The following DLEU7 variants were observed in gnomAD, a reference collection of about 807,000 sequenced individuals.
DLEU7 encodes deleted in lymphocytic leukemia 7.
A neutral mutation model predicts 16.0 loss-of-function variants in DLEU7; 17 were observed. The observed-to-expected ratio is 1.06, with a 90% CI of 0.73 to 1.59. DLEU7 has a LOEUF of 1.59. Ranked by LOEUF, DLEU7 falls within the 40% of genes most tolerant of loss-of-function variation. The pLI is 0.00. For missense variants in DLEU7, 308 were observed against 314.9 expected (o/e 0.98, Z 0.17); for synonymous variants, 113 against 139.8 (o/e 0.81, Z 1.35).
chr13:50,753,179 C>T (rs1223375168), intron 1 of DLEU7, among the ~76,000 whole-genome samples: 1 of 152,202 alleles, frequency 6.6e-6, no homozygotes, highest in African/African-American at 2.4e-5. Flanking sequence ...GGTGTATTTA[C>T]AATCCCTTAG....
intron 1 of DLEU7, among the ~76,000 whole-genome samples, chr13:50,762,792 T>C (rs1216941467): frequency 7.6e-6 from 1 of 132,330 alleles, no homozygotes; most frequent in African/African-American, 3.2e-5. Flanking sequence ...CTGCCCTTTA[T>C]TGTGCTAGAA....
At chr13:50,747,374 C>CAGAG (rs4053229) in intron 1 of DLEU7, among the ~76,000 whole-genome samples, 83,722 of 141,204 alleles carry the variant, frequency 0.59, 25,927 homozygotes, top group African/African-American at 0.84. Flanking sequence ...GTGTGTGTGA[C>CAGAG]AGAGAGGGAG....
chr13:50,832,020 T>C (rs959674292), intron 1 of DLEU7, among the ~76,000 whole-genome samples: 4 of 152,086 alleles, frequency 2.6e-5, no homozygotes, highest in African/African-American at 9.7e-5. Flanking sequence ...AGGAGGAGTC[T>C]CTCTTTTTCT....
downstream of DLEU7, among the ~76,000 whole-genome samples, chr13:50,818,031 A>G (rs867948275): frequency 3.9e-5 from 6 of 152,150 alleles, no homozygotes; most frequent in African/African-American, 1.4e-4. Flanking sequence ...ATTCATTACT[A>G]TAGATCATCT....
intron 1 of DLEU7, among the ~76,000 whole-genome samples, chr13:50,834,743 G>GT (rs1349898836): frequency 1.3e-5 from 2 of 152,234 alleles, no homozygotes; most frequent in East Asian, 3.9e-4. Flanking sequence ...ACATGCACAT[G>GT]TATGTTTATT....
rs1021410898 is a variant in DLEU7 at position 50,780,516 on chromosome 13, C to T, written c.459+62672G>A. On this transcript the variant is annotated intron_variant, in intron 1 of 1. Coordinates refer to the DLEU7 transcript ENST00000400393. ...TGGGAATCAGATTACAGCTAAGGAG[C>T]CCTCATAAAACCAGCTTTAACAATT... Among the ~76,000 whole-genome samples the T allele has an allele frequency of 6.6e-5, 10 of 152,230 alleles. No individual in the cohort carries two copies. The East Asian group carries it at 1.9e-3, about 29-fold the overall frequency.
intron 1 of DLEU7, among the ~76,000 whole-genome samples, chr13:50,811,428 G>A (rs144884033): frequency 6.6e-6 from 1 of 152,156 alleles, no homozygotes; most frequent in African/African-American, 2.4e-5. Context: ...CCTCTATATA[G>A]CACTCCTATC....
At chr13:50,763,440 A>G (rs779077879) in intron 1 of DLEU7, among the ~76,000 whole-genome samples, 2 of 152,194 alleles carry the variant, frequency 1.3e-5, no homozygotes, top group Non-Finnish European at 2.9e-5. Context: ...ATCAGAAATC[A>G]AGCCTGTGCA....
In DLEU7 at chr13:50,726,565, G is replaced by A. The variant is rs1873768546; in HGVS notation, c.460-13325C>T. ...GTTTTTGCCAAAATTCACAATGTTTGAAAAAAATAGGTTGAGACACTTTCT... is the reference window on the plus strand; with the variant it reads ...GTTTTTGCCAAAATTCACAATGTTTAAAAAAAATAGGTTGAGACACTTTCT... On this transcript the variant is annotated intron_variant, in intron 1 of 1. Transcript: ENST00000400393. This position sits in a 1 kb window ranked among gnomAD's most constrained non-coding sequence, Gnocchi z 4.0. Among the ~76,000 whole-genome samples the A allele has an allele frequency of 6.6e-6, 1 of 152,084 alleles. No individual in the cohort carries two copies. The highest frequency in any genetic ancestry group is 1.5e-5 in the Non-Finnish European group (1 of 67,994).
chr13:50,774,955 A>T (rs182094217), intron 1 of DLEU7, among the ~76,000 whole-genome samples: 1 of 152,034 alleles, frequency 6.6e-6, no homozygotes, highest in African/African-American at 2.4e-5. Context: ...TACGATTTAC[A>T]TATCATTTCT....
intron 1 of DLEU7, chr13:50,719,812 A>G (rs1287184050): frequency 2.0e-5 from 3 of 152,194 alleles, no homozygotes; most frequent in Admixed American, 6.5e-5. Flanking sequence ...ACAGTTTTAT[A>G]AGAAAAATGG....
intron 1 of DLEU7, among the ~76,000 whole-genome samples, chr13:50,774,997 A>G (rs1357405105): frequency 1.3e-5 from 2 of 151,888 alleles, no homozygotes; most frequent in Non-Finnish European, 1.5e-5. Context: ...CATTATACCC[A>G]TGCTTTCCTA....
intron 1 of DLEU7, among the ~76,000 whole-genome samples, chr13:50,755,308 C>T (rs910992320): frequency 6.6e-6 from 1 of 152,200 alleles, no homozygotes; most frequent in Non-Finnish European, 1.5e-5. Context: ...GATTTCTCTT[C>T]TCCCTCAAGA....
At chr13:50,734,917 C>G (rs1284127756) in intron 1 of DLEU7, among the ~76,000 whole-genome samples, 4 of 152,094 alleles carry the variant, frequency 2.6e-5, no homozygotes, top group African/African-American at 9.7e-5. Flanking sequence ...AAGAGATAAA[C>G]TTTAAAGAGA....
At position 50,843,573 on chromosome 13, in the gene DLEU7, T is replaced by TGCA. The variant is rs1215511875; in HGVS notation, c.71_73dup (p.Leu24dup). On this transcript the variant is annotated inframe_insertion, in exon 1 of 2. Transcript: ENST00000504404. This position sits in a 1 kb window ranked among gnomAD's most constrained non-coding sequence, Gnocchi z 5.7. The stretch of plus-strand genomic sequence containing the variant: ...ACCGTCCCCCCAGCCCCACTCCTGC[T>TGCA]GCAGCAGCTGCAAGGTCTGCAGAGC... 6.7e-7 allele frequency: 1 copy of TGCA among 1,494,728 alleles called. No homozygotes were observed. Among genetic ancestry groups the TGCA allele is most frequent in the Non-Finnish European group, 8.9e-7 (1 of 1,129,592 alleles). 92.6% of individuals were successfully genotyped at this position (1,494,728 alleles called of 1,614,324 possible). A position where few individuals can be genotyped will look rare whatever the true frequency, so the allele number is the denominator to read the frequency against.
rs959020372 is a variant in DLEU7, at chr13:50,843,658, G to A, written c.-12C>T. The stretch of plus-strand genomic sequence containing the variant: ...GCAGGGCTGGCCATCGCCTCCGCTG[G>A]CGGCCCGGCGCGCTCCGCGTGCAGG... On this transcript the variant is annotated 5_prime_UTR_variant, in exon 1 of 2. Transcript: ENST00000504404. The surrounding 1 kb of genome is among the most constrained non-coding windows in gnomAD (Gnocchi z 5.7). 2 of 1,500,524 alleles carry A rather than the reference G, an allele frequency of 1.3e-6. No homozygotes were observed. Among genetic ancestry groups the A allele is most frequent in the Admixed American group, 2.2e-5 (1 of 45,786 alleles). 93.0% of individuals were successfully genotyped at this position (1,500,524 alleles called of 1,614,324 possible).
chr13:50,792,866 T>A (rs1876002729), intron 1 of DLEU7, among the ~76,000 whole-genome samples: 1 of 151,686 alleles, frequency 6.6e-6, no homozygotes, highest in Non-Finnish European at 1.5e-5. Context: ...TGCTCCTCTT[T>A]TTTTTTTTTT....
chr13:50,733,303 T>A (rs1045776926), intron 1 of DLEU7, among the ~76,000 whole-genome samples: 1 of 152,172 alleles, frequency 6.6e-6, no homozygotes, highest in African/African-American at 2.4e-5. Flanking sequence ...AGAACCAATG[T>A]TTTAGATTAT....
chr13:50,834,941 G>A (rs1877403734), intron 1 of DLEU7, among the ~76,000 whole-genome samples: 1 of 147,230 alleles, frequency 6.8e-6, no homozygotes, highest in Admixed American at 7.2e-5. Context: ...ACTAACACAG[G>A]AACAGAAAAC....
Sources: gnomAD v4.1 joint callset for allele counts (sites outside exome capture counted in the v4.1 genomes callset) on GRCh38, gnomAD v4.1.1 for gene constraint, Gnocchi (gnomAD v3.1) non-coding constraint, MANE v1.5 for transcripts, NCBI Gene and HGNC (gene_info 2026-07-23, HGNC 2026-07-21) for gene names.